Variants in WWTR1 observed in about 807,000 individuals in gnomAD.
WWTR1 encodes the protein WW domain containing transcription regulator 1.
In WWTR1, 13 loss-of-function variants were observed where a neutral mutation model predicts 40.1. The observed-to-expected ratio is 0.32, with a 90% CI of 0.21 to 0.52. The LOEUF is 0.52. Ranked by LOEUF, WWTR1 falls within the 20% of genes least tolerant of loss-of-function variation. WWTR1 has a pLI of 0.97. For missense variants in WWTR1, 436 were observed against 523.1 expected (o/e 0.83, Z 1.63); for synonymous variants, 230 against 210.1 (o/e 1.09, Z -0.82).
chr3:149,566,598 T>C (rs1260729016), intron 3 of WWTR1, among the ~76,000 whole-genome samples: 2 of 152,208 alleles, frequency 1.3e-5, no homozygotes, highest in South Asian at 2.1e-4. Flanking sequence ...AAACATAAGA[T>C]GCCTAAGTAG....
intron 3 of WWTR1, among the ~76,000 whole-genome samples, chr3:149,543,579 T>TAAAAAAAAAA: frequency 1.2e-3 from 1 of 806 alleles, no homozygotes; most frequent in Admixed American, 0.017. Flanking sequence ...AGACTCTGTC[T>TAAAAAAAAAA]CAAAAAAAAA....
At chr3:149,655,067 A>C (rs1713121746) in intron 2 of WWTR1, among the ~76,000 whole-genome samples, 1 of 151,486 alleles carries the variant, frequency 6.6e-6, no homozygotes, top group Non-Finnish European at 1.5e-5. Flanking sequence ...CGGAGCTTGC[A>C]GTGAGCCTAG....
chr3:149,587,940 A>G (rs1738508440), intron 2 of WWTR1, among the ~76,000 whole-genome samples: 2 of 152,226 alleles, frequency 1.3e-5, no homozygotes, highest in African/African-American at 4.8e-5. Flanking sequence ...ATCTTTCTGA[A>G]GAGCAGTATA....
chr3:149,667,682 T>C (rs1393524767), intron 2 of WWTR1, among the ~76,000 whole-genome samples: 1 of 152,200 alleles, frequency 6.6e-6, no homozygotes, highest in Non-Finnish European at 1.5e-5. Context: ...CTTCTAGACT[T>C]GGAGGTATCA....
At chr3:149,554,644 T>G (rs969350737) in intron 3 of WWTR1, among the ~76,000 whole-genome samples, 2 of 151,838 alleles carry the variant, frequency 1.3e-5, no homozygotes, top group African/African-American at 4.8e-5. Context: ...TCCAGGGAAG[T>G]CTAGGGAAAA....
intron 2 of WWTR1, among the ~76,000 whole-genome samples, chr3:149,644,551 C>T (rs926969561): frequency 1.3e-5 from 2 of 152,160 alleles, no homozygotes; most frequent in Non-Finnish European, 2.9e-5. Context: ...AGGCTTTTCA[C>T]CCTGAGACAT....
chr3:149,536,484 G>A (rs12695938), intron 4 of WWTR1, among the ~76,000 whole-genome samples: 45,400 of 139,180 alleles, frequency 0.33, 8,100 homozygotes, highest in Non-Finnish European at 0.42. Flanking sequence ...AAAAAAAAAG[G>A]GGGGGGCCTC....
intron 2 of WWTR1, among the ~76,000 whole-genome samples, chr3:149,663,556 C>T (rs544935861): frequency 2.7e-4 from 41 of 151,972 alleles, no homozygotes; most frequent in African/African-American, 8.4e-4. Flanking sequence ...ATTAGCCATG[C>T]GTGGTGGCGC....
At chr3:149,635,013 T>C in intron 2 of WWTR1, among the ~76,000 whole-genome samples, 1 of 152,192 alleles carries the variant, frequency 6.6e-6, no homozygotes, top group Admixed American at 6.5e-5. Context: ...CTTTCTTGCA[T>C]GGGAGGGAGA....
intron 2 of WWTR1, among the ~76,000 whole-genome samples, chr3:149,622,498 G>GAAAGAAAGAAAAGA (rs1560089724): frequency 2.4e-4 from 12 of 51,022 alleles, no homozygotes; most frequent in African/African-American, 7.9e-4. Flanking sequence ...AGGAAGGAAG[G>GAAAGAAAGAAAAGA]AAGGAAGAAA....
At chr3:149,568,489 G>A (rs1485020849) in intron 3 of WWTR1, among the ~76,000 whole-genome samples, 2 of 105,688 alleles carry the variant, frequency 1.9e-5, no homozygotes, top group Non-Finnish European at 3.5e-5. Flanking sequence ...TTTTAAGCTA[G>A]ACGAAACTGG....
chr3:149,574,197 A>T (rs1294935526), intron 2 of WWTR1, among the ~76,000 whole-genome samples: 2 of 151,558 alleles, frequency 1.3e-5, no homozygotes, highest in African/African-American at 4.9e-5. Flanking sequence ...CACCTGGCTC[A>T]TTTTTTTTAA....
chr3:149,562,584 T>A (rs954988908), intron 3 of WWTR1, among the ~76,000 whole-genome samples: 1 of 144,000 alleles, frequency 6.9e-6, no homozygotes, highest in African/African-American at 2.6e-5. Flanking sequence ...CTTTTTTTTT[T>A]CTGCCTTAAA....
At chr3:149,695,773 A>AACAAG (rs1159389822) in intron 1 of WWTR1, among the ~76,000 whole-genome samples, 4 of 145,060 alleles carry the variant, frequency 2.8e-5, no homozygotes, top group Non-Finnish European at 6.0e-5. Context: ...AAAAAAAAAA[A>AACAAG]ACAAGAAAAG....
At chr3:149,634,605 C>A (rs896259428) in intron 2 of WWTR1, among the ~76,000 whole-genome samples, 14 of 152,184 alleles carry the variant, frequency 9.2e-5, no homozygotes, top group Non-Finnish European at 2.1e-4. Context: ...TACCAAGGTC[C>A]ATGCACAATA....
chr3:149,638,213 T>C, intron 2 of WWTR1, among the ~76,000 whole-genome samples: 1 of 151,440 alleles, frequency 6.6e-6, no homozygotes. Context: ...CGAAACTTTG[T>C]CAAAAAAAGA....
chr3:149,706,625 G>A (rs1715342558), upstream of WWTR1, among the ~76,000 whole-genome samples: 2 of 152,028 alleles, frequency 1.3e-5, no homozygotes, highest in South Asian at 2.1e-4. Flanking sequence ...GGCCAACACT[G>A]ACTTCTTAGA....
intron 3 of WWTR1, among the ~76,000 whole-genome samples, chr3:149,543,960 G>T (rs1316948886): frequency 5.3e-5 from 8 of 151,222 alleles, no homozygotes; most frequent in African/African-American, 2.4e-5. Flanking sequence ...TAGAGACGAG[G>T]TTTCACTATG....
intron 3 of WWTR1, among the ~76,000 whole-genome samples, chr3:149,566,570 A>G (rs1737337917): frequency 6.7e-6 from 1 of 149,760 alleles, no homozygotes; most frequent in Non-Finnish European, 1.5e-5. Flanking sequence ...TAAGAAAAAA[A>G]CTAATGGAAA....
Sources: gnomAD v4.1 joint callset for allele counts (sites outside exome capture counted in the v4.1 genomes callset) on GRCh38, gnomAD v4.1.1 for gene constraint, MANE v1.5 for transcripts, NCBI Gene and HGNC (gene_info 2026-07-23, HGNC 2026-07-21) for gene names.